The following FBXL17 variants were observed in gnomAD, a reference collection of about 807,000 sequenced individuals.
The protein encoded by FBXL17 is F-box and leucine rich repeat protein 17.
FBXL17 carries 22 observed loss-of-function variants against 66.2 expected under a neutral mutation model. The observed-to-expected ratio is 0.33, with a 90% CI of 0.24 to 0.47. FBXL17 has a LOEUF of 0.47. Among genes scored for constraint, FBXL17 ranks in the 20% least tolerant of loss-of-function variants. FBXL17 has a pLI of 1.00. For missense variants in FBXL17, 878 were observed against 948.2 expected (o/e 0.93, Z 0.97); for synonymous variants, 474 against 400.5 (o/e 1.18, Z -2.19).
chr5:108,376,520 C>A (rs539158926), intron 1 of FBXL17, among the ~76,000 whole-genome samples: 1 of 152,260 alleles, frequency 6.6e-6, no homozygotes, highest in South Asian at 2.1e-4. Flanking sequence ...TTACAGCTCT[C>A]ATTTCTTTAT....
chr5:108,291,863 A>G (rs1373164022), intron 4 of FBXL17, among the ~76,000 whole-genome samples: 1 of 152,168 alleles, frequency 6.6e-6, no homozygotes, highest in Non-Finnish European at 1.5e-5. Context: ...ATGCACAATT[A>G]ATCATCAAGA....
At chr5:108,369,975 G>A (rs1017627285) in intron 1 of FBXL17, among the ~76,000 whole-genome samples, 3 of 152,158 alleles carry the variant, frequency 2.0e-5, no homozygotes, top group Non-Finnish European at 2.9e-5. Flanking sequence ...CCAGAGGTCA[G>A]GGCACAAGGT....
intron 4 of FBXL17, chr5:108,298,403 TA>T: frequency 2.0e-6 from 2 of 980,432 alleles, no homozygotes; most frequent in South Asian, 9.4e-5. Context: ...AGAAGATCAA[TA>T]AATCAAGACA....
At chr5:107,945,197 T>C (rs894998854) in intron 7 of FBXL17, among the ~76,000 whole-genome samples, 2 of 152,106 alleles carry the variant, frequency 1.3e-5, no homozygotes, top group East Asian at 3.8e-4. Flanking sequence ...AATATAAATT[T>C]AAACCTTAAG....
intron 7 of FBXL17, among the ~76,000 whole-genome samples, chr5:108,000,440 G>C (rs1467939083): frequency 6.6e-6 from 1 of 152,156 alleles, no homozygotes; most frequent in African/African-American, 2.4e-5. Context: ...CACCTTTTCT[G>C]TTTGTTCGTT....
chr5:108,134,211 A>G (rs1751045832), intron 6 of FBXL17, among the ~76,000 whole-genome samples: 1 of 152,182 alleles, frequency 6.6e-6, no homozygotes, highest in Admixed American at 6.5e-5. Flanking sequence ...TATGTGAACA[A>G]AAAACCCCCA....
chr5:107,958,962 T>C (rs1291507749), intron 7 of FBXL17, among the ~76,000 whole-genome samples: 1 of 152,210 alleles, frequency 6.6e-6, no homozygotes, highest in African/African-American at 2.4e-5. Context: ...TCAAGTATGG[T>C]CAAGGTTCTG....
chr5:107,880,683 G>A, intron 8 of FBXL17: 1 of 1,232,646 alleles, frequency 8.1e-7, no homozygotes, highest in Non-Finnish European at 1.0e-6. Flanking sequence ...TTGAAACCCA[G>A]AATACAATTT....
At position 108,228,043 on chromosome 5, in the gene FBXL17, G is replaced by A. The variant is rs114913904; in HGVS notation, c.1507-3815C>T. On this transcript the variant is annotated intron_variant, in intron 4 of 8. Coordinates refer to ENST00000542267, the MANE Select transcript of FBXL17 (RefSeq NM_001163315.3). ...AGGACACAAGAAAACTCAGGTCCAA[G>A]AGGCCAGAGCATTCAGAGAGAAAAA... 4.1e-3 allele frequency among the ~76,000 whole-genome samples: 620 copies of A among 152,308 alleles called. 4 individuals carry two copies. Among genetic ancestry groups the A allele is most frequent in the African/African-American group, 0.014 (594 of 41,570 alleles).
chr5:107,941,038 C>T (rs1232214139), intron 7 of FBXL17, among the ~76,000 whole-genome samples: 1 of 151,924 alleles, frequency 6.6e-6, no homozygotes, highest in Non-Finnish European at 1.5e-5. Flanking sequence ...AACAGCAAAA[C>T]TTAACTAGTA....
chr5:108,153,667 G>C (rs939839573), intron 6 of FBXL17, among the ~76,000 whole-genome samples: 4 of 151,976 alleles, frequency 2.6e-5, no homozygotes, highest in Non-Finnish European at 4.4e-5. Context: ...CTAAGAGTTA[G>C]GAAATTTCAT....
chr5:108,222,470 T>C lies in FBXL17; in HGVS notation c.1614+1651A>G, dbSNP rs568564890. Among the ~76,000 whole-genome samples, 35 of 152,270 alleles carry C rather than the reference T, an allele frequency of 2.3e-4. No homozygotes were observed. The South Asian group carries it at 7.1e-3, about 31-fold the overall frequency. ...TCTTGGTTACACTAAGATGTTCTGA[T>C]ACAGCAATAATTGAGAATAACAGGC... On this transcript the variant is annotated intron_variant, in intron 5 of 8. Coordinates refer to ENST00000542267, the MANE Select transcript of FBXL17 (RefSeq NM_001163315.3).
At chr5:108,027,019 A>G (rs775725678) in intron 6 of FBXL17, among the ~76,000 whole-genome samples, 1 of 152,170 alleles carries the variant, frequency 6.6e-6, no homozygotes, top group Non-Finnish European at 1.5e-5. Flanking sequence ...AGTGTCTAAC[A>G]TTAAATAGGT....
chr5:108,188,958 G>A (rs1328414012), intron 5 of FBXL17, among the ~76,000 whole-genome samples: 1 of 152,084 alleles, frequency 6.6e-6, no homozygotes. Flanking sequence ...GGGAACAAAG[G>A]GCTGATATGA....
rs58309120 is a variant in FBXL17, at chr5:107,982,448, T to TA, written c.1822+38476dup. Among the ~76,000 whole-genome samples the TA allele has an allele frequency of 8.1e-4, 120 of 148,272 alleles. 1 individual carries two copies. Among genetic ancestry groups the TA allele is most frequent in the African/African-American group, 1.8e-3 (71 of 40,548 alleles). On this transcript the variant is annotated intron_variant, in intron 7 of 8. Coordinates refer to ENST00000542267, the MANE Select transcript of FBXL17 (RefSeq NM_001163315.3). The stretch of plus-strand genomic sequence containing the variant: ...CTTTATGAGGCTTTTCTCAATGCTT[T>TA]AAAAAAAAAACAAAAAAAACCACAT...
At chr5:108,183,451 T>G (rs1201277771) in intron 6 of FBXL17, among the ~76,000 whole-genome samples, 1 of 152,244 alleles carries the variant, frequency 6.6e-6, no homozygotes, top group Non-Finnish European at 1.5e-5. Flanking sequence ...TTATTTGTTA[T>G]GAATAGCTTT....
At chr5:108,120,688 C>T (rs1750453818) in intron 6 of FBXL17, among the ~76,000 whole-genome samples, 1 of 152,056 alleles carries the variant, frequency 6.6e-6, no homozygotes, top group Admixed American at 6.5e-5. Flanking sequence ...TAAAAATCAG[C>T]CAGGCCTGGT....
chr5:108,121,412 C>T (rs924015302), intron 6 of FBXL17, among the ~76,000 whole-genome samples: 1 of 151,842 alleles, frequency 6.6e-6, no homozygotes, highest in Non-Finnish European at 1.5e-5. Flanking sequence ...CATTTATATG[C>T]TCTACACACA....
rs564646065 is a variant in FBXL17, at chr5:108,086,106, G to A, written c.1746-65105C>T. On this transcript the variant is annotated intron_variant, in intron 6 of 8. Coordinates refer to ENST00000542267, the MANE Select transcript of FBXL17 (RefSeq NM_001163315.3). Reference sequence around the variant, plus strand: ...AACTGGAATTCCTCAATCCCAGACCGTAAAAACCTAGAGAGGTCACAGTCT... The same window carrying A: ...AACTGGAATTCCTCAATCCCAGACCATAAAAACCTAGAGAGGTCACAGTCT... Among the ~76,000 whole-genome samples, 13 of 152,168 alleles carry A rather than the reference G, an allele frequency of 8.5e-5. No homozygotes were observed. The East Asian group carries it at 2.3e-3, about 27-fold the overall frequency.
Sources: allele counts gnomAD v4.1 joint callset (sites outside exome capture counted in the v4.1 genomes callset), GRCh38; gene constraint gnomAD v4.1.1; transcripts MANE v1.5; gene names NCBI Gene and HGNC (gene_info 2026-07-23, HGNC 2026-07-21).